Variants in EEFSEC observed in about 807,000 individuals in gnomAD.
The protein encoded by EEFSEC is eukaryotic elongation factor, selenocysteine-tRNA specific, also known as selenocysteine-specific elongation factor.
Under a neutral mutation model 42.1 loss-of-function variants are expected in EEFSEC, and 43 were observed. That is an observed-to-expected ratio of 1.02 (90% CI 0.80 to 1.32). The LOEUF is 1.32. Among genes scored for constraint, EEFSEC ranks in the 40% most tolerant of loss-of-function variants. EEFSEC has a pLI of 0.00. For missense variants in EEFSEC, 745 were observed against 803.6 expected, an observed-to-expected ratio of 0.93 and a Z score of 0.88; for synonymous variants, 354 against 339.1, an observed-to-expected ratio of 1.04 and a Z score of -0.48.
chr3:128,271,716 G>A (rs778630804), intron 4 of EEFSEC, among the ~76,000 whole-genome samples: 6 of 152,030 alleles, frequency 3.9e-5, no homozygotes, highest in African/African-American at 7.2e-5. Flanking sequence ...CACTGCTCAG[G>A]TTCAAACTCC....
At chr3:128,417,866 C>T in the EEFSEC span, among the ~76,000 whole-genome samples, 1 of 152,052 alleles carries the variant, frequency 6.6e-6, no homozygotes, top group African/African-American at 2.4e-5. The surrounding 1 kb of genome is among the most constrained non-coding windows in gnomAD (Gnocchi z 4.3). Flanking sequence ...ATGCTGCACC[C>T]CAGGTCCTGT....
intron 1 of EEFSEC, among the ~76,000 whole-genome samples, chr3:128,196,325 A>G (rs1387688112): frequency 2.0e-5 from 3 of 152,224 alleles, no homozygotes; most frequent in African/African-American, 4.8e-5. Flanking sequence ...TGATTCTACT[A>G]TATATGTAAG....
At chr3:128,391,758 C>T (rs1267941492) in intron 6 of EEFSEC, among the ~76,000 whole-genome samples, 2 of 152,250 alleles carry the variant, frequency 1.3e-5, no homozygotes, top group Non-Finnish European at 2.9e-5. Context: ...ACCAGCATAG[C>T]GGCCCCACCT....
At chr3:128,222,208 A>G (rs1426565815) in intron 1 of EEFSEC, among the ~76,000 whole-genome samples, 1 of 151,716 alleles carries the variant, frequency 6.6e-6, no homozygotes. Context: ...TAATTTTTGT[A>G]TATTAGTAGA....
At chr3:128,313,488 C>G (rs543255787) in intron 4 of EEFSEC, among the ~76,000 whole-genome samples, 1 of 152,352 alleles carries the variant, frequency 6.6e-6, no homozygotes, top group African/African-American at 2.4e-5. Context: ...ACCATCTAAG[C>G]TAGTTGGTCA....
rs759485696 is a variant in EEFSEC, at chr3:128,293,660, C to CAAAAAAAAAAAAAAAA, written c.786+28891_786+28906dup. Among the ~76,000 whole-genome samples the CAAAAAAAAAAAAAAAA allele has an allele frequency of 5.0e-3, 70 of 14,118 alleles. 2 individuals carry two copies. The highest frequency in any genetic ancestry group is 7.2e-3 in the South Asian group (2 of 276). The allele number at this position is 14,118 out of a possible 152,430, so 9.3% of individuals were successfully genotyped here. On this transcript the variant is annotated intron_variant, in intron 4 of 6. Transcript: ENST00000254730. ...TGGGCGACAAAGCAAGACTCTATCT[C>CAAAAAAAAAAAAAAAA]AAAAAAAAAAAAAAAAAAAAAAAAA...
At chr3:128,374,711 A>T (rs2067690790) in intron 6 of EEFSEC, among the ~76,000 whole-genome samples, 1 of 152,226 alleles carries the variant, frequency 6.6e-6, no homozygotes, top group South Asian at 2.1e-4. Context: ...TATATTTCTC[A>T]CTGTATGCCA....
intron 6 of EEFSEC, among the ~76,000 whole-genome samples, chr3:128,405,025 T>C (rs2107639257): frequency 6.6e-6 from 1 of 151,864 alleles, no homozygotes; most frequent in Admixed American, 6.6e-5. Context: ...CACTTTTTTT[T>C]TTTTTTTTTA....
At chr3:128,380,173 CG>C (rs529635366) in intron 6 of EEFSEC, among the ~76,000 whole-genome samples, 9 of 152,316 alleles carry the variant, frequency 5.9e-5, no homozygotes, top group African/African-American at 2.2e-4. Context: ...GTGGGCACCC[CG>C]ATACCCACTG....
intron 1 of EEFSEC, among the ~76,000 whole-genome samples, chr3:128,171,588 A>G (rs750142754): frequency 2.6e-5 from 4 of 152,116 alleles, no homozygotes; most frequent in Admixed American, 6.5e-5. Flanking sequence ...TTCTATACTC[A>G]GTTTTGTTTT....
intron 5 of EEFSEC, among the ~76,000 whole-genome samples, chr3:128,350,581 T>C (rs1297758214): frequency 3.9e-5 from 6 of 152,240 alleles, no homozygotes; most frequent in Non-Finnish European, 8.8e-5. Context: ...TTCTTCTGAC[T>C]TCCAGTATCA....
chr3:128,237,120 T>C (rs1336460919), intron 1 of EEFSEC, among the ~76,000 whole-genome samples: 1 of 152,244 alleles, frequency 6.6e-6, no homozygotes, highest in Non-Finnish European at 1.5e-5. Flanking sequence ...AAAAATCCAT[T>C]TCTATATTTC....
Position 128,304,237 on chromosome 3 carries a change from T to C in EEFSEC, c.787-36996T>C, listed in dbSNP as rs538661966. ...ATAATTTTTGGTATTATAATTTGAA[T>C]TGAGTTGAATATAGATGTAATATAA... On this transcript the variant is annotated intron_variant, in intron 4 of 6. Transcript: ENST00000254730. Among the ~76,000 whole-genome samples the C allele has an allele frequency of 3.9e-5, 6 of 152,198 alleles. No individual in the cohort carries two copies. In the South Asian group the frequency reaches 1.0e-3, roughly 26 times the overall value.
intron 4 of EEFSEC, among the ~76,000 whole-genome samples, chr3:128,311,188 G>A (rs1280456248): frequency 6.6e-6 from 1 of 152,174 alleles, no homozygotes; most frequent in Non-Finnish European, 1.5e-5. Flanking sequence ...CTCATTCATT[G>A]AAAATGTAGT....
At chr3:128,253,086 C>A in intron 2 of EEFSEC, among the ~76,000 whole-genome samples, 1 of 152,228 alleles carries the variant, frequency 6.6e-6, no homozygotes, top group Non-Finnish European at 1.5e-5. Flanking sequence ...GGAAGGCTAG[C>A]TTCTCTTGAG....
chr3:128,369,336 T>C (rs1210214778), intron 6 of EEFSEC, among the ~76,000 whole-genome samples: 1 of 152,232 alleles, frequency 6.6e-6, no homozygotes, highest in Non-Finnish European at 1.5e-5. Flanking sequence ...GCTGTGAGGC[T>C]GTGTGTTCCT....
chr3:128,335,300 A>T (rs2067177720), intron 4 of EEFSEC, among the ~76,000 whole-genome samples: 1 of 152,202 alleles, frequency 6.6e-6, no homozygotes, highest in Non-Finnish European at 1.5e-5. Context: ...AAGCTCTATG[A>T]TGAAAAACCA....
intron 2 of EEFSEC, among the ~76,000 whole-genome samples, chr3:128,258,810 C>T (rs1158174185): frequency 6.6e-6 from 1 of 152,146 alleles, no homozygotes; most frequent in Non-Finnish European, 1.5e-5. Context: ...AATCTGGCTA[C>T]AGGACTTAAA....
chr3:128,240,890 A>G (rs920038227), intron 1 of EEFSEC, among the ~76,000 whole-genome samples: 3 of 152,206 alleles, frequency 2.0e-5, no homozygotes, highest in Non-Finnish European at 2.9e-5. Context: ...TATAATGAGG[A>G]GATAGGCAAT....
Sources: allele counts gnomAD v4.1 joint callset (sites outside exome capture counted in the v4.1 genomes callset), GRCh38; gene constraint gnomAD v4.1.1; non-coding constraint Gnocchi (gnomAD v3.1); transcripts MANE v1.5; gene names NCBI Gene and HGNC (gene_info 2026-07-23, HGNC 2026-07-21).